The following TTC6 variants were observed in gnomAD, a reference collection of about 807,000 sequenced individuals.
TTC6 encodes tetratricopeptide repeat domain 6.
A neutral mutation model predicts 210.4 loss-of-function variants in TTC6; 172 were observed. The ratio of observed to expected loss-of-function variants is 0.82; its 90% CI spans 0.72 to 0.93. The LOEUF is 0.93. TTC6 is among the 40% of genes least tolerant of loss of function. The pLI is 0.00. For synonymous variants in TTC6, 804 were observed against 819.6 expected, an observed-to-expected ratio of 0.98 and a Z score of 0.32; for missense variants, 2,414 against 2,318.1, an observed-to-expected ratio of 1.04 and a Z score of -0.85.
intron 1 of TTC6, among the ~76,000 whole-genome samples, chr14:37,600,063 A>C (rs2139209299): frequency 6.6e-6 from 1 of 152,236 alleles, no homozygotes; most frequent in Non-Finnish European, 1.5e-5. Context: ...TAAAACCCCT[A>C]GGGCTAGGGG....
At chr14:37,686,296 T>C (rs1322510300) in intron 3 of TTC6, among the ~76,000 whole-genome samples, 1 of 152,224 alleles carries the variant, frequency 6.6e-6, no homozygotes, top group Admixed American at 6.5e-5. Flanking sequence ...GAACAATGCC[T>C]GACATACAGA....
chr14:37,788,923 A>G (rs2096073476), intron 15 of TTC6, among the ~76,000 whole-genome samples: 1 of 152,002 alleles, frequency 6.6e-6, no homozygotes, highest in Non-Finnish European at 1.5e-5. Context: ...CTTCCTCTAA[A>G]GGCCTCTTTC....
At chr14:37,764,895 T>G (rs1253429476) in intron 14 of TTC6, among the ~76,000 whole-genome samples, 1 of 151,792 alleles carries the variant, frequency 6.6e-6, no homozygotes, top group Non-Finnish European at 1.5e-5. Flanking sequence ...ATTTTTTATA[T>G]TGTATATTTT....
At chr14:37,722,103 A>ACAGAATACTCTGACCTTGGGTCAT (rs2095863179) in intron 6 of TTC6, among the ~76,000 whole-genome samples, 1 of 151,858 alleles carries the variant, frequency 6.6e-6, no homozygotes, top group South Asian at 2.1e-4. Flanking sequence ...CCCTTAGTGA[A>ACAGAATACTCTGACCTTGGGTCAT]CAGAATACTC....
At chr14:37,716,738 A>G (rs1320349646) in intron 6 of TTC6, among the ~76,000 whole-genome samples, 2 of 152,150 alleles carry the variant, frequency 1.3e-5, no homozygotes, top group African/African-American at 2.4e-5. Flanking sequence ...ATAGTTGGAG[A>G]GTTCAGCATT....
chr14:37,690,293 A>G (rs2095801200), intron 3 of TTC6, among the ~76,000 whole-genome samples: 1 of 152,150 alleles, frequency 6.6e-6, no homozygotes, highest in Non-Finnish European at 1.5e-5. Flanking sequence ...TACTAAAAGG[A>G]AGACAGGAAA....
chr14:37,716,884 T>C (rs977742929), intron 6 of TTC6, among the ~76,000 whole-genome samples: 8 of 151,958 alleles, frequency 5.3e-5, no homozygotes, highest in Admixed American at 2.0e-4. Context: ...ATGAAACATA[T>C]ACCAGGATAG....
chr14:37,730,495 T>A (rs531706293), intron 7 of TTC6, among the ~76,000 whole-genome samples: 1 of 152,346 alleles, frequency 6.6e-6, no homozygotes, highest in Admixed American at 6.5e-5. Context: ...TTGTTCCTGA[T>A]AATTTTAATG....
intron 20 of TTC6, among the ~76,000 whole-genome samples, chr14:37,801,638 T>C (rs1403646983): frequency 6.6e-6 from 1 of 152,066 alleles, no homozygotes; most frequent in Non-Finnish European, 1.5e-5. Context: ...GAGAGAGTGA[T>C]GTGGTGAGGA....
chr14:37,713,328 C>T (rs189123823), intron 5 of TTC6, among the ~76,000 whole-genome samples: 1 of 152,280 alleles, frequency 6.6e-6, no homozygotes, highest in African/African-American at 2.4e-5. Context: ...TCTGGAACCT[C>T]CACCCCGAGT....
chr14:37,792,147 TA>T (rs759021084), intron 16 of TTC6, 116 bp from the exon 19 acceptor site: 48 of 824,430 alleles, frequency 5.8e-5, no homozygotes, highest in East Asian at 4.1e-4. Flanking sequence ...TGTAAAACAT[TA>T]AAAAATACTC....
chr14:37,691,728 A>T (rs973925792), intron 3 of TTC6, among the ~76,000 whole-genome samples: 1 of 152,172 alleles, frequency 6.6e-6, no homozygotes, highest in African/African-American at 2.4e-5. Context: ...GAAGAAAACA[A>T]TACAAAAGGT....
At chr14:37,792,289 A>G (rs2096081674) in exon 17 of TTC6, 1 of 1,524,316 alleles carries the variant, frequency 6.6e-7, no homozygotes, top group Non-Finnish European at 8.7e-7. Flanking sequence ...TTATGTAAAT[A>G]TTGGCCTCAT....
chr14:37,638,182 T>A (rs151023418), intron 1 of TTC6, among the ~76,000 whole-genome samples: 12 of 152,238 alleles, frequency 7.9e-5, no homozygotes, highest in African/African-American at 2.9e-4. Context: ...ATAATTATGC[T>A]GAGGCAATAA....
chr14:37,648,759 A>C (rs998751036), intron 1 of TTC6, among the ~76,000 whole-genome samples: 1 of 152,186 alleles, frequency 6.6e-6, no homozygotes, highest in African/African-American at 2.4e-5. Context: ...GTTAATTCCA[A>C]CAATCCCCCA....
chr14:37,692,155 C>T (rs1405437656), intron 3 of TTC6, among the ~76,000 whole-genome samples: 2 of 128,624 alleles, frequency 1.6e-5, no homozygotes, highest in African/African-American at 5.9e-5. Context: ...TGCTTCCAAA[C>T]TCATTCTATG....
At chr14:37,709,895 C>T (rs1050121869) in intron 5 of TTC6, among the ~76,000 whole-genome samples, 3 of 152,026 alleles carry the variant, frequency 2.0e-5, no homozygotes, top group Non-Finnish European at 4.4e-5. Context: ...AAACCTAAAG[C>T]TTTTTCCAGA....
At chr14:37,673,708 A>G (rs917435375) in intron 1 of TTC6, among the ~76,000 whole-genome samples, 1 of 152,112 alleles carries the variant, frequency 6.6e-6, no homozygotes, top group Non-Finnish European at 1.5e-5. Context: ...AGCACCCTTT[A>G]AGCCTCAAAG....
intron 14 of TTC6, among the ~76,000 whole-genome samples, chr14:37,774,898 A>G (rs1030461493): frequency 3.3e-5 from 5 of 152,068 alleles, no homozygotes; most frequent in African/African-American, 7.2e-5. Context: ...GCTTTTTATT[A>G]CTGATTCAAT....
Sources: gnomAD v4.1 joint callset for allele counts (sites outside exome capture counted in the v4.1 genomes callset) on GRCh38, gnomAD v4.1.1 for gene constraint, MANE v1.5 for transcripts, NCBI Gene and HGNC (gene_info 2026-07-23, HGNC 2026-07-21) for gene names.